Variants in KATNIP observed in about 807,000 individuals in gnomAD.
KATNIP encodes the protein katanin interacting protein, also known as katanin-interacting protein.
KATNIP carries 126 observed loss-of-function variants against 174.0 expected under a neutral mutation model. The ratio of observed to expected loss-of-function variants is 0.72; its 90% CI spans 0.63 to 0.84. KATNIP has a LOEUF of 0.84. Ranked by LOEUF, KATNIP falls within the 40% of genes least tolerant of loss-of-function variation. The probability of loss-of-function intolerance (pLI) is 0.00; values close to 1 mark genes in which losing one functional copy is unlikely to be tolerated. For missense variants in KATNIP, 1,958 were observed against 2,109.7 expected (o/e 0.93, Z 1.41); for synonymous variants, 810 against 835.7 (o/e 0.97, Z 0.53).
intron 1 of KATNIP, among the ~76,000 whole-genome samples, chr16:27,569,373 A>C (rs2090204667): frequency 6.6e-6 from 1 of 152,254 alleles, no homozygotes; most frequent in Non-Finnish European, 1.5e-5. Flanking sequence ...ATAGTATTGT[A>C]GTTACAAAAT....
At chr16:27,654,857 C>T (rs1027123158) in intron 6 of KATNIP, 21 of 910,976 alleles carry the variant, frequency 2.3e-5, no homozygotes, top group African/African-American at 6.8e-5. Context: ...AGGGCGGGCA[C>T]GGTGGCTTAT....
intron 6 of KATNIP, among the ~76,000 whole-genome samples, chr16:27,657,459 G>A (rs140931821): frequency 9.2e-5 from 14 of 152,248 alleles, no homozygotes; most frequent in African/African-American, 3.4e-4. Flanking sequence ...CGGGCACAGT[G>A]GCTAACACCT....
At chr16:27,756,645 A>G (rs920695072) in intron 18 of KATNIP, among the ~76,000 whole-genome samples, 3 of 152,206 alleles carry the variant, frequency 2.0e-5, no homozygotes, top group Non-Finnish European at 1.5e-5. Context: ...TGAGGTCCCA[A>G]AAGACAGCCA....
intron 18 of KATNIP, among the ~76,000 whole-genome samples, chr16:27,761,060 A>AT (rs2081935437): frequency 6.6e-6 from 1 of 152,178 alleles, no homozygotes; most frequent in Non-Finnish European, 1.5e-5. Flanking sequence ...GAGGTCAGAG[A>AT]AGTAGATAGA....
chr16:27,701,524 C>G (rs560403870), intron 10 of KATNIP, 65 bp from the exon 11 acceptor site: 1 of 1,276,810 alleles, frequency 7.8e-7, no homozygotes, highest in East Asian at 2.5e-5. Flanking sequence ...TGACCGTGAC[C>G]CTGCTGTGTC....
Position 27,720,076 on chromosome 16 carries a change from G to A in KATNIP, c.1606-1482G>A, listed in dbSNP as rs191075141. 2.0e-5 allele frequency among the ~76,000 whole-genome samples: 3 copies of A among 152,270 alleles called. No homozygotes were observed. In the East Asian group the frequency reaches 5.8e-4, roughly 29 times the overall value. On this transcript the variant is annotated intron_variant, in intron 13 of 27. Transcript: ENST00000261588. ...ACCAAACAAATACCTGTGTAAGCCA[G>A]ACCCAGCTTACAGTCTCTTCTCTGT...
chr16:27,616,649 C>T (rs1432098434), intron 2 of KATNIP, among the ~76,000 whole-genome samples: 2 of 151,358 alleles, frequency 1.3e-5, no homozygotes, highest in African/African-American at 4.9e-5. Flanking sequence ...ATCGCTTGAA[C>T]CTGGGAGATG....
At chr16:27,667,330 T>C (rs1408725576) in intron 6 of KATNIP, among the ~76,000 whole-genome samples, 3 of 148,354 alleles carry the variant, frequency 2.0e-5, no homozygotes, top group African/African-American at 4.9e-5. Context: ...AAAAAAAAAA[T>C]GTGTTGAATA....
chr16:27,555,483 A>C (rs2089580584), intron 1 of KATNIP, among the ~76,000 whole-genome samples: 1 of 152,174 alleles, frequency 6.6e-6, no homozygotes, highest in Non-Finnish European at 1.5e-5. Context: ...GGACATGATA[A>C]TGAAGCCTAC....
intron 15 of KATNIP, among the ~76,000 whole-genome samples, chr16:27,742,622 A>G (rs1005778600): frequency 2.0e-5 from 3 of 152,200 alleles, no homozygotes; most frequent in Non-Finnish European, 4.4e-5. Context: ...AACCCTGCTG[A>G]GCCTGTTTCC....
rs539947201 is a variant in KATNIP at position 27,721,857 on chromosome 16, A to G, written c.1743+162A>G. Among the ~76,000 whole-genome samples the G allele has an allele frequency of 5.9e-5, 9 of 152,258 alleles. No individual in the cohort carries two copies. In the East Asian group the frequency reaches 1.5e-3, roughly 26 times the overall value. On this transcript the variant is annotated intron_variant, in intron 14 of 27. Transcript: ENST00000261588. ...GCTGGTAGGTTCACACTGCATTCTC[A>G]TAGCCCCCAGGGACAGAGCTTCCGG...
At chr16:27,630,735 G>A (rs539074983) in intron 4 of KATNIP, among the ~76,000 whole-genome samples, 1 of 152,274 alleles carries the variant, frequency 6.6e-6, no homozygotes, top group Non-Finnish European at 1.5e-5. Flanking sequence ...CACAAATGGT[G>A]ACCTCTTGTA....
intron 15 of KATNIP, among the ~76,000 whole-genome samples, chr16:27,746,637 G>A (rs1040390645): frequency 2.6e-5 from 4 of 152,250 alleles, no homozygotes; most frequent in Non-Finnish European, 4.4e-5. Context: ...GGCAGAGAAG[G>A]CCTCTCCAAG....
chr16:27,568,846 C>T (rs2090181969), intron 1 of KATNIP, among the ~76,000 whole-genome samples: 1 of 152,096 alleles, frequency 6.6e-6, no homozygotes, highest in Non-Finnish European at 1.5e-5. Context: ...TACTGAGTTC[C>T]TTTTATTCTC....
At chr16:27,773,760 C>T (rs559095421) in intron 23 of KATNIP, among the ~76,000 whole-genome samples, 3 of 152,266 alleles carry the variant, frequency 2.0e-5, no homozygotes, top group South Asian at 4.1e-4. Context: ...TGCATAGTGA[C>T]AATGGCTGGA....
intron 6 of KATNIP, chr16:27,654,844 C>A: frequency 9.2e-7 from 1 of 1,084,274 alleles, no homozygotes. Context: ...CTAGGAAAAC[C>A]ACAGGGCGGG....
chr16:27,691,558 G>A (rs62029138), intron 8 of KATNIP, among the ~76,000 whole-genome samples: 9 of 152,216 alleles, frequency 5.9e-5, no homozygotes, highest in South Asian at 2.1e-4. Context: ...TGGTTACCTC[G>A]TGTGCACGTG....
intron 2 of KATNIP, among the ~76,000 whole-genome samples, chr16:27,597,171 C>T (rs1369678650): frequency 6.6e-6 from 1 of 152,086 alleles, no homozygotes; most frequent in African/African-American, 2.4e-5. Context: ...CTAGCCTGGG[C>T]AACAGAGTGA....
At chr16:27,757,429 G>A (rs2081778452) in intron 18 of KATNIP, 1 of 904,822 alleles carries the variant, frequency 1.1e-6, no homozygotes, top group African/African-American at 1.8e-5. Flanking sequence ...TCACCAGAAG[G>A]AAGGCAGGAA....
Sources: gnomAD v4.1 joint callset for allele counts (sites outside exome capture counted in the v4.1 genomes callset) on GRCh38, gnomAD v4.1.1 for gene constraint, MANE v1.5 for transcripts, NCBI Gene and HGNC (gene_info 2026-07-23, HGNC 2026-07-21) for gene names.